The following SEC23IP variants were observed in gnomAD, a reference collection of about 807,000 sequenced individuals.
The protein encoded by SEC23IP is SEC23-interacting protein.
Under a neutral mutation model 113.4 loss-of-function variants are expected in SEC23IP, and 70 were observed. The ratio of observed to expected loss-of-function variants is 0.62; its 90% confidence interval spans 0.51 to 0.75. The LOEUF (loss-of-function observed/expected upper bound fraction) is 0.75, where lower values mean the gene tolerates loss of function less well. Ranked by LOEUF, SEC23IP falls within the 30% of genes least tolerant of loss-of-function variation. The probability of loss-of-function intolerance (pLI) is 0.00; values close to 1 mark genes in which losing one functional copy is unlikely to be tolerated. For synonymous variants in SEC23IP, 398 were observed against 421.0 expected (o/e 0.95, Z 0.67); for missense variants, 1,160 against 1,204.9 (o/e 0.96, Z 0.55).
intron 12 of SEC23IP, 41 bp downstream of exon 12, chr10:119,921,025 G>T: frequency 7.2e-7 from 1 of 1,385,258 alleles, no homozygotes. Flanking sequence ...AAAACTCATG[G>T]TGTGACCAGC....
At chr10:119,918,995 A>ATTTT (rs61207350) in intron 10 of SEC23IP, among the ~76,000 whole-genome samples, 4 of 143,800 alleles carry the variant, frequency 2.8e-5, no homozygotes, top group Non-Finnish European at 3.0e-5. Context: ...AGAATATTCA[A>ATTTT]TTTTTTTTTT....
intron 15 of SEC23IP, 104 bp downstream of exon 15, chr10:119,930,535 T>C: frequency 1.6e-6 from 1 of 615,688 alleles, no homozygotes; most frequent in Non-Finnish European, 2.9e-6. Context: ...TTAATATTAT[T>C]TAAGTGCCTA....
intron 11 of SEC23IP, among the ~76,000 whole-genome samples, chr10:119,919,832 A>G (rs1488789649): frequency 6.6e-6 from 1 of 152,236 alleles, no homozygotes; most frequent in African/African-American, 2.4e-5. Context: ...GACACCATAA[A>G]CAACATCTAA....
Position 119,918,530 on chromosome 10 carries a change from A to G in SEC23IP, c.1872+19A>G. 7.1e-7 allele frequency: 1 copy of G among 1,398,898 alleles called. No individual in the cohort carries two copies. Among genetic ancestry groups the G allele is most frequent in the Non-Finnish European group, 1.0e-6 (1 of 986,512 alleles). 86.7% of individuals were successfully genotyped at this position (1,398,898 alleles called of 1,614,324 possible). ...AAAGCAGGTACGTCTGTACGTGGCCAATTAACATTTCGATTTAGAGTCTAT... is the reference window on the plus strand; with the variant it reads ...AAAGCAGGTACGTCTGTACGTGGCCGATTAACATTTCGATTTAGAGTCTAT... On this transcript the variant is annotated intron_variant, in intron 10 of 18. Transcript: ENST00000369075.
Position 119,903,324 on chromosome 10 carries a change from C to A in SEC23IP, c.907+315C>A, listed in dbSNP as rs150015085. Reference sequence around the variant, plus strand: ...TATGGGGGCATTTATAAAGGGCATTCTGTGGAACTCTCTATCCTGGAGATG... The same window carrying A: ...TATGGGGGCATTTATAAAGGGCATTATGTGGAACTCTCTATCCTGGAGATG... On this transcript the variant is annotated intron_variant, in intron 3 of 18. Transcript: ENST00000369075. Among the ~76,000 whole-genome samples, 48 of 152,300 alleles carry A rather than the reference C, an allele frequency of 3.2e-4. No homozygotes were observed. In the East Asian group the frequency reaches 7.2e-3, roughly 23 times the overall value.
At chr10:119,904,585 C>G (rs1156563864) in intron 4 of SEC23IP, 2 of 229,738 alleles carry the variant, frequency 8.7e-6, no homozygotes. Flanking sequence ...AGCATATGGA[C>G]ATTTTCAAAT....
rs567254279 is a variant in SEC23IP, at chr10:119,933,004, G to A, written c.2759-1G>A. The A allele has an allele frequency of 6.2e-7, 1 of 1,611,830 alleles. No individual in the cohort carries two copies. Among genetic ancestry groups the A allele is most frequent in the African/African-American group, 1.3e-5 (1 of 74,888 alleles). On this transcript the variant is annotated splice_acceptor_variant, in intron 16 of 18. Transcript: ENST00000369075. LOFTEE classifies it high-confidence loss of function. ...TGATATTGAAATGGTTTAAATTCTAGCAGAAAAGGTTGTTGAAAGTCCAGA... is the reference window on the plus strand; with the variant it reads ...TGATATTGAAATGGTTTAAATTCTAACAGAAAAGGTTGTTGAAAGTCCAGA...
intron 3 of SEC23IP, 104 bp from the exon 4 acceptor site, chr10:119,903,980 A>AG: frequency 8.1e-7 from 1 of 1,238,304 alleles, no homozygotes; most frequent in Non-Finnish European, 1.1e-6. Context: ...TCGGCCTCCC[A>AG]GGGTGCTGGG....
chr10:119,898,896 T>G lies in SEC23IP; in HGVS notation c.633T>G (p.Ala211=). ...AGTGCCAAACACCAGGCCCTCCTGCTCATCCTCCACCTTCTGGACCCCCTG... is the reference window on the plus strand; with the variant it reads ...AGTGCCAAACACCAGGCCCTCCTGCGCATCCTCCACCTTCTGGACCCCCTG... ...LQQCQTPGPP[A]HPPPSGPPVQ... is the part of the protein sequence containing the mutation. Residue 211 remains alanine, a synonymous_variant, in exon 2 of 19, where the codon GCT becomes GCG. Transcript: ENST00000369075. 1 of 1,604,952 alleles carries G rather than the reference T, an allele frequency of 6.2e-7. No homozygotes were observed. Among genetic ancestry groups the G allele is most frequent in the South Asian group, 1.1e-5 (1 of 91,012 alleles).
In SEC23IP at chr10:119,920,995, C is replaced by G. The variant is rs200053094; in HGVS notation, c.2121+11C>G. ...AAAGCAGCCAAACTGGTAAAGTTCACCTCTGACTCAAGAAAAACTAAAACT... is the reference window on the plus strand; with the variant it reads ...AAAGCAGCCAAACTGGTAAAGTTCAGCTCTGACTCAAGAAAAACTAAAACT... On this transcript the variant is annotated intron_variant, in intron 12 of 18. Coordinates refer to ENST00000369075, the MANE Select transcript of SEC23IP (RefSeq NM_007190.4). 4.4e-6 allele frequency: 7 copies of G among 1,589,914 alleles called. No homozygotes were observed. Among genetic ancestry groups the G allele is most frequent in the Non-Finnish European group, 5.2e-6 (6 of 1,159,208 alleles).
At chr10:119,911,216 G>C (rs181100309) in intron 5 of SEC23IP, among the ~76,000 whole-genome samples, 33 of 151,598 alleles carry the variant, frequency 2.2e-4, no homozygotes, top group African/African-American at 7.2e-4. Flanking sequence ...TGCTTTACTT[G>C]TTTTTATAAG....
rs373507599 is a variant in SEC23IP, at chr10:119,922,944, C to T, written c.2121+1960C>T. Among the ~76,000 whole-genome samples the T allele has an allele frequency of 1.0e-3, 155 of 151,128 alleles. 4 individuals carry two copies. In the South Asian group the frequency reaches 0.031, roughly 30 times the overall value. On this transcript the variant is annotated intron_variant, in intron 12 of 18. Transcript: ENST00000369075. ...CAGTGTTGTTTCTGTATACAGGCTG[C>T]GTGCTCCATACAGAAAAATGCTTGT...
intron 2 of SEC23IP, 85 bp downstream of exon 2, chr10:119,899,044 T>A: frequency 1.7e-6 from 2 of 1,158,956 alleles, no homozygotes; most frequent in Non-Finnish European, 2.4e-6. Context: ...ACATTTCACA[T>A]CTTATAATCA....
chr10:119,928,572 T>G (rs1254293907), intron 13 of SEC23IP, among the ~76,000 whole-genome samples: 1 of 152,256 alleles, frequency 6.6e-6, no homozygotes, highest in Non-Finnish European at 1.5e-5. Context: ...GTCACATATT[T>G]GAGCTTTGCC....
intron 18 of SEC23IP, among the ~76,000 whole-genome samples, chr10:119,935,813 G>A (rs143273238): frequency 0.028 from 4,317 of 152,274 alleles, 95 homozygotes; most frequent in Middle Eastern, 0.061. Flanking sequence ...ATATAAGATG[G>A]CAAGGGACCC....
chr10:119,917,815 T>G, intron 8 of SEC23IP, 21 bp from the exon 9 acceptor site: 1 of 1,579,162 alleles, frequency 6.3e-7, no homozygotes, highest in Non-Finnish European at 8.7e-7. Context: ...CTGAATGTGC[T>G]GTATTTTTCT....
In SEC23IP at chr10:119,909,059, GTAA is replaced by G; in HGVS notation, c.1121_1123del (p.Val374_Thr375delinsAla). 1 of 1,611,452 alleles carries G rather than the reference GTAA, an allele frequency of 6.2e-7. No homozygotes were observed. The highest frequency in any genetic ancestry group is 8.5e-7 in the Non-Finnish European group (1 of 1,178,516). ...ATTATAGGCTGAATATAAAAAAGCT[GTAA>G]CCACTAATCAGTGGCACCGAAGATT... On this transcript the variant is annotated inframe_deletion, in exon 5 of 19. Transcript: ENST00000369075.
At chr10:119,912,246 A>G in intron 6 of SEC23IP, 82 bp downstream of exon 6, 1 of 1,451,852 alleles carries the variant, frequency 6.9e-7, no homozygotes, top group Non-Finnish European at 9.4e-7. Flanking sequence ...GAAGAAATAA[A>G]CAGTTATTAG....
In SEC23IP at chr10:119,892,823, C is replaced by T; in HGVS notation, c.41C>T (p.Ser14Phe). ...CCTAACGGTGGCAGCGGCGGCGCCTCCACTTCCTCATCGGGCACTAACTTA... is the reference window on the plus strand; with the variant it reads ...CCTAACGGTGGCAGCGGCGGCGCCTTCACTTCCTCATCGGGCACTAACTTA... Reference protein sequence around the residue: ...RKPNGGSGGASTSSSGTNLLF... With the variant: ...RKPNGGSGGAFTSSSGTNLLF... The change falls in exon 1 of 19, where the codon TCC becomes TTC. Residue 14 changes from serine (S) to phenylalanine (F), a missense_variant. Physicochemically the swap from Ser to Phe is radical, Grantham distance 155. Transcript: ENST00000369075. The T allele has an allele frequency of 1.9e-6, 3 of 1,613,164 alleles. No individual in the cohort carries two copies. The highest frequency in any genetic ancestry group is 4.5e-5 in the East Asian group (2 of 44,856).
Sources: allele counts gnomAD v4.1 joint callset (sites outside exome capture counted in the v4.1 genomes callset), GRCh38; gene constraint gnomAD v4.1.1; transcripts MANE v1.5; gene names NCBI Gene and HGNC (gene_info 2026-07-23, HGNC 2026-07-21).